Variants in CEP164 observed in about 807,000 individuals in gnomAD.
The protein encoded by CEP164 is centrosomal protein 164, also known as centrosomal protein of 164 kDa.
In CEP164, 162 loss-of-function variants were observed where a neutral mutation model predicts 182.7. The observed-to-expected ratio is 0.89, with a 90% CI of 0.78 to 1.01. The LOEUF (loss-of-function observed/expected upper bound fraction) is 1.01. Among genes scored for constraint, CEP164 ranks in the 50% least tolerant of loss-of-function variants. CEP164 has a pLI of 0.00. For synonymous variants in CEP164, 661 were observed against 690.0 expected, an observed-to-expected ratio of 0.96 and a Z score of 0.66; for missense variants, 1,735 against 1,790.4, an observed-to-expected ratio of 0.97 and a Z score of 0.56.
chr11:117,345,604 A>G (rs1434664910), intron 4 of CEP164, among the ~76,000 whole-genome samples: 1 of 151,762 alleles, frequency 6.6e-6, no homozygotes, highest in Non-Finnish European at 1.5e-5. Context: ...CCATAGCTCA[A>G]AGTGATTACA....
At chr11:117,355,170 A>G in intron 5 of CEP164, 2 of 1,289,848 alleles carry the variant, frequency 1.6e-6, no homozygotes, top group South Asian at 2.5e-5. Flanking sequence ...CAAATCCACC[A>G]GGTCTTTGCT....
chr11:117,332,650 A>C (rs1164233421), intron 1 of CEP164, among the ~76,000 whole-genome samples: 1 of 152,208 alleles, frequency 6.6e-6, no homozygotes, highest in Non-Finnish European at 1.5e-5. Flanking sequence ...TTATGAGCTC[A>C]GTGCTAAGGT....
rs1048836730 is a variant in CEP164 at position 117,368,517 on chromosome 11, G to A, written c.766-2563G>A. ...CCTCGCATCTAAGGTGTATTGGTAG[G>A]CAGCCCTCTTAGGACCAGGTTTCAC... On this transcript the variant is annotated intron_variant, in intron 8 of 32. Coordinates refer to ENST00000278935, the MANE Select transcript of CEP164 (RefSeq NM_014956.5). Among the ~76,000 whole-genome samples the A allele has an allele frequency of 7.9e-5, 12 of 152,190 alleles. No homozygotes were observed. In the East Asian group the frequency reaches 2.3e-3, roughly 29 times the overall value.
chr11:117,392,963 C>T (rs1303886330), intron 19 of CEP164, 41 bp from the exon 20 acceptor site: 9 of 1,609,840 alleles, frequency 5.6e-6, no homozygotes, highest in Non-Finnish European at 7.6e-6. Context: ...TGCTGGTCCG[C>T]CTCGGTTCTT....
chr11:117,325,304 T>C (rs474806), upstream of CEP164, among the ~76,000 whole-genome samples: 123,495 of 152,070 alleles, frequency 0.81, 50,944 homozygotes, highest in East Asian at 1. Context: ...AGGCTGGTCT[T>C]GAGCTCCTCA....
At chr11:117,332,239 T>G (rs1238178443) in intron 1 of CEP164, among the ~76,000 whole-genome samples, 1 of 152,002 alleles carries the variant, frequency 6.6e-6, no homozygotes, top group Non-Finnish European at 1.5e-5. Context: ...CCTCAGAAGT[T>G]TGTGGTTTAA....
At chr11:117,367,275 ACCT>A (rs1362438374) in intron 8 of CEP164, among the ~76,000 whole-genome samples, 1 of 151,308 alleles carries the variant, frequency 6.6e-6, no homozygotes, top group Non-Finnish European at 1.5e-5. Context: ...CAAATGCTTC[ACCT>A]CCTTCTGCTT....
chr11:117,375,881 AG>A, intron 11 of CEP164, 90 bp downstream of exon 11: 3 of 1,145,670 alleles, frequency 2.6e-6, no homozygotes, highest in Non-Finnish European at 3.9e-6. Context: ...TGCCCATCAC[AG>A]GGTGCATTTC....
In CEP164 at chr11:117,411,817, C is replaced by G; in HGVS notation, c.4186C>G (p.His1396Asp). The G allele has an allele frequency of 6.2e-7, 1 of 1,614,202 alleles. No homozygotes were observed. The highest frequency in any genetic ancestry group is 1.1e-5 in the South Asian group (1 of 91,084). Residue 1396 changes from histidine (H) to aspartate (D), a missense_variant, in exon 32 of 33, where the codon CAC becomes GAC. By Grantham distance (81) the His-to-Asp change is moderately conservative. Coordinates refer to ENST00000278935, the MANE Select transcript of CEP164 (RefSeq NM_014956.5). The surrounding 1 kb of genome is among the most constrained non-coding windows in gnomAD (Gnocchi z 4.4). ...SASEQLRLLQ[H>D]SHSQVPEAGS... ...CAGTGAGCAGCTCCGGCTCCTACAG[C>G]ACTCCCATTCGCAAGTCCCTGAGGC...
Position 117,382,855 on chromosome 11 carries a change from C to G in CEP164, c.1637C>G (p.Ala546Gly). The G allele has an allele frequency of 6.2e-7, 1 of 1,614,140 alleles. No homozygotes were observed. Among genetic ancestry groups the G allele is most frequent in the Non-Finnish European group, 8.5e-7 (1 of 1,180,024 alleles). The change falls in exon 14 of 33, where the codon GCC becomes GGC. Residue 546 changes from alanine (A) to glycine (G), a missense_variant. Coordinates refer to ENST00000278935, the MANE Select transcript of CEP164 (RefSeq NM_014956.5). ...CEKGKEQHSQAEELGPGQEEA... is the reference protein window; with the variant it reads ...CEKGKEQHSQGEELGPGQEEA... Reference sequence around the variant, plus strand: ...AAGGGCAAGGAGCAGCATTCCCAGGCCGAGGAGCTGGGCCCTGGGCAGGAA... The same window carrying G: ...AAGGGCAAGGAGCAGCATTCCCAGGGCGAGGAGCTGGGCCCTGGGCAGGAA...
At chr11:117,344,043 G>A (rs966729242) in intron 3 of CEP164, 123 bp from the exon 4 acceptor site, 5 of 623,690 alleles carry the variant, frequency 8.0e-6, no homozygotes, top group African/African-American at 7.4e-5. Context: ...TATGTTTATT[G>A]TTTATAATTT....
At chr11:117,410,156 A>G in intron 30 of CEP164, 191 bp downstream of exon 30, 1 of 710,570 alleles carries the variant, frequency 1.4e-6, no homozygotes. Context: ...CTGGGGAAGG[A>G]GACATTGCAG....
rs1003550160 is a variant in CEP164, at chr11:117,340,522, G to T, written c.82+1854G>T. ...TGCTGGACTTTGCTTATAGCATAGG[G>T]TGTTTTTTTTGTTTTCCATATTTTT... On this transcript the variant is annotated intron_variant, in intron 3 of 32. Coordinates refer to ENST00000278935, the MANE Select transcript of CEP164 (RefSeq NM_014956.5). 3.6e-4 allele frequency among the ~76,000 whole-genome samples: 54 copies of T among 151,698 alleles called. 1 individual carries two copies. Among genetic ancestry groups the T allele is most frequent in the African/African-American group, 1.3e-3 (53 of 41,284 alleles).
chr11:117,371,831 C>G (rs565981794), intron 9 of CEP164, among the ~76,000 whole-genome samples: 45 of 138,824 alleles, frequency 3.2e-4, no homozygotes, highest in African/African-American at 1.1e-3. Flanking sequence ...GAGACAGGGT[C>G]TTGCTCTGTA....
chr11:117,359,350 G>A (rs2040674339), intron 5 of CEP164: 5 of 876,046 alleles, frequency 5.7e-6, no homozygotes, highest in South Asian at 5.2e-5. Flanking sequence ...GACATTGTAC[G>A]GAAGGTGTTT....
intron 1 of CEP164, among the ~76,000 whole-genome samples, chr11:117,332,424 G>A (rs1333146963): frequency 6.6e-6 from 1 of 151,890 alleles, no homozygotes; most frequent in Non-Finnish European, 1.5e-5. Flanking sequence ...AAAAAATACA[G>A]AATTAGCCAG....
chr11:117,396,482 G>T, intron 25 of CEP164, 68 bp from the exon 26 acceptor site: 1 of 1,283,100 alleles, frequency 7.8e-7, no homozygotes, highest in South Asian at 1.2e-5. Context: ...GAGGGGCTTT[G>T]GGGTCTTGAA....
At chr11:117,405,746 T>G (rs2046602459) in intron 27 of CEP164, among the ~76,000 whole-genome samples, 1 of 152,204 alleles carries the variant, frequency 6.6e-6, no homozygotes, top group Admixed American at 6.5e-5. Context: ...TGCTTAGAAA[T>G]TTCTTCTGCC....
intron 26 of CEP164, 140 bp downstream of exon 26, chr11:117,396,751 AG>A: frequency 1.4e-6 from 1 of 739,248 alleles, no homozygotes; most frequent in Non-Finnish European, 2.4e-6. Context: ...AAGGCTCCGG[AG>A]GATTAAGGAA....
Sources: allele counts gnomAD v4.1 joint callset (sites outside exome capture counted in the v4.1 genomes callset), GRCh38; gene constraint gnomAD v4.1.1; non-coding constraint Gnocchi (gnomAD v3.1); transcripts MANE v1.5; gene names NCBI Gene and HGNC (gene_info 2026-07-23, HGNC 2026-07-21).